AR: variants seen among roughly 807,000 people sequenced by gnomAD.
AR encodes the protein dihydrotestosterone receptor.
Under a neutral mutation model 53.9 loss-of-function variants are expected in AR, and 8 were observed. The ratio of observed to expected loss-of-function variants is 0.15; its 90% confidence interval spans 0.09 to 0.27. The LOEUF is 0.27. Ranked by LOEUF, AR falls within the 10% of genes least tolerant of loss-of-function variation. The pLI is 1.00. For missense variants in AR, 639 were observed against 742.5 expected (o/e 0.86, Z 1.62); for synonymous variants, 359 against 316.4 (o/e 1.13, Z -1.43).
intron 1 of AR, among the ~76,000 whole-genome samples, chrX:67,594,116 C>T (rs912396564): frequency 5.4e-5 from 6 of 111,998 alleles, no homozygotes; most frequent in Admixed American, 4.7e-4. Context: ...ACTTCACTTT[C>T]CCAGCTAACT....
At chrX:67,704,331 C>T (rs1322665434) in intron 3 of AR, among the ~76,000 whole-genome samples, 10 of 111,923 alleles carry the variant, frequency 8.9e-5, no homozygotes, top group South Asian at 3.7e-4. Context: ...TTTTAATGAT[C>T]GCCATTCTAA....
chrX:67,705,905 A>C (rs933331952), intron 3 of AR, among the ~76,000 whole-genome samples: 1 of 111,772 alleles, frequency 8.9e-6, no homozygotes, highest in Non-Finnish European at 1.9e-5. Context: ...TGAGATAATC[A>C]TGTGGTTTTT....
At chrX:67,693,792 C>T (rs998617061) in intron 3 of AR, among the ~76,000 whole-genome samples, 3 of 112,171 alleles carry the variant, frequency 2.7e-5, no homozygotes, top group Non-Finnish European at 5.6e-5. Context: ...TTCCATTCTT[C>T]TCAGTCCAGT....
At chrX:67,698,597 C>T (rs2076030356) in intron 3 of AR, among the ~76,000 whole-genome samples, 1 of 112,772 alleles carries the variant, frequency 8.9e-6, no homozygotes, top group Non-Finnish European at 1.9e-5. Context: ...AAAGTATAGC[C>T]TAGTCTAGCT....
intron 3 of AR, among the ~76,000 whole-genome samples, chrX:67,706,378 G>T (rs1480082739): frequency 8.9e-6 from 1 of 111,773 alleles, no homozygotes. Context: ...AGTCTTGGGA[G>T]GGTGTATGTG....
chrX:67,674,563 T>TC (rs777261158), intron 2 of AR, among the ~76,000 whole-genome samples: 1 of 111,048 alleles, frequency 9.0e-6, no homozygotes, highest in Admixed American at 9.6e-5. Context: ...AAGGAGTCTC[T>TC]CCCTGTGGCC....
intron 4 of AR, among the ~76,000 whole-genome samples, chrX:67,714,614 G>A (rs1169507595): frequency 4.5e-5 from 5 of 111,921 alleles, no homozygotes; most frequent in South Asian, 3.8e-4. Flanking sequence ...GATGTCAATC[G>A]GATTCTAGTG....
rs745861379 is a variant in AR, at chrX:67,585,683, T to A, written c.1616+38921T>A. ...CCTATCTTTGTCACAAGTAAGAAGG[T>A]TTAAAAATCACCATACCATTATTGG... is the stretch of plus-strand genomic sequence containing the variant. On this transcript the variant is annotated intron_variant, in intron 1 of 7. Coordinates refer to ENST00000374690, the MANE Select transcript of AR (RefSeq NM_000044.6). 2.6e-4 allele frequency among the ~76,000 whole-genome samples: 29 copies of A among 112,063 alleles called. No individual in the cohort carries two copies. In the South Asian group the frequency reaches 0.011, roughly 41 times the overall value.
intron 1 of AR, among the ~76,000 whole-genome samples, chrX:67,620,188 A>C (rs909533239): frequency 1.1e-4 from 12 of 110,184 alleles, no homozygotes; most frequent in Non-Finnish European, 3.8e-5. Flanking sequence ...AACATTTTTC[A>C]CATTTCTTAA....
At position 67,544,453 on chromosome X, in the gene AR, C is replaced by A. The variant is rs1406036914; in HGVS notation, c.-694C>A. On this transcript the variant is annotated 5_prime_UTR_variant, in exon 1 of 8. Coordinates refer to ENST00000374690, the MANE Select transcript of AR (RefSeq NM_000044.6). ...CCCTCACCACCCTTCTCCCCACCCGCCCCCCCGCCCCCGTCGGCCCAGCGC... is the reference window on the plus strand; with the variant it reads ...CCCTCACCACCCTTCTCCCCACCCGACCCCCCGCCCCCGTCGGCCCAGCGC... 4.1e-5 allele frequency: 4 copies of A among 97,452 alleles called. No homozygotes were observed. Among genetic ancestry groups the A allele is most frequent in the Non-Finnish European group, 7.8e-5 (4 of 51,187 alleles). The allele number at this position is 97,452 out of a possible 1,213,427, so 8.0% of individuals were successfully genotyped here.
intron 1 of AR, among the ~76,000 whole-genome samples, chrX:67,623,221 C>T (rs1412269017): frequency 9.1e-6 from 1 of 110,013 alleles, no homozygotes; most frequent in African/African-American, 3.3e-5. Flanking sequence ...CGCTAGCAAA[C>T]GTTGTGAAAA....
intron 3 of AR, 50 bp from the exon 4 acceptor site, chrX:67,711,352 G>A (rs2076092759): frequency 8.7e-7 from 1 of 1,151,627 alleles, no homozygotes; most frequent in Non-Finnish European, 1.2e-6. Flanking sequence ...GTTGCATTGT[G>A]TGTTTTTGAC....
At chrX:67,691,176 G>A (rs907626682) in intron 3 of AR, among the ~76,000 whole-genome samples, 4 of 111,885 alleles carry the variant, frequency 3.6e-5, no homozygotes, top group African/African-American at 1.3e-4. Flanking sequence ...ATCAAATTTT[G>A]CTAAACACCT....
Position 67,726,823 on chromosome X carries a change from GT to G in AR, c.*2984del, listed in dbSNP as rs1402969332. ...GCATGCGCTCTGCTCTACAAACAGA[GT>G]TGGTATGGTTGGTATACTGTACTCA... is the stretch of plus-strand genomic sequence containing the variant. On this transcript the variant is annotated 3_prime_UTR_variant, in exon 8 of 8. Transcript: ENST00000374690. 2 of 173,387 alleles carry G rather than the reference GT, an allele frequency of 1.2e-5. No individual in the cohort carries two copies. The highest frequency in any genetic ancestry group is 2.2e-5 in the Non-Finnish European group (2 of 90,948). 14.3% of individuals were successfully genotyped at this position (173,387 alleles called of 1,213,427 possible).
At chrX:67,719,994 C>T (rs2076129148) in intron 5 of AR, among the ~76,000 whole-genome samples, 1 of 112,270 alleles carries the variant, frequency 8.9e-6, no homozygotes, top group African/African-American at 3.2e-5. Context: ...GGATAATGAG[C>T]TTGAACCTTA....
At chrX:67,716,337 C>A (rs948334718) in intron 4 of AR, among the ~76,000 whole-genome samples, 3 of 111,989 alleles carry the variant, frequency 2.7e-5, no homozygotes, top group Non-Finnish European at 5.6e-5. Flanking sequence ...TTTAAGCCTT[C>A]TTCTTGGATG....
At position 67,546,546 on chromosome X, in the gene AR, G is replaced by T; in HGVS notation, c.1400G>T (p.Gly467Val). The T allele has an allele frequency of 1.1e-6, 1 of 925,779 alleles. No homozygotes were observed. Among genetic ancestry groups the T allele is most frequent in the Non-Finnish European group, 1.4e-6 (1 of 735,650 alleles). The allele number at this position is 925,779 out of a possible 1,213,427, so 76.3% of individuals were successfully genotyped here. The change falls in exon 1 of 8, where the codon GGC (glycine) becomes GTC (valine). Residue 467 changes from glycine to valine, a missense_variant. This residue lies in a region of AR where 423 missense variants were observed against 377.0 expected (regional missense o/e 1.12). Transcript: ENST00000374690. ...GGCGGCGGCGGCGGCGGCGGCGGCG[G>T]CGGCGGCGGCGGCGGCGGCGAGGCG... Reference protein sequence around the residue: ...GGGGGGGGGGGGGGGGGEAGA... With the variant: ...GGGGGGGGGGVGGGGGGEAGA...
At chrX:67,658,668 C>A (rs779506414) in intron 2 of AR, among the ~76,000 whole-genome samples, 3 of 111,572 alleles carry the variant, frequency 2.7e-5, no homozygotes, top group Non-Finnish European at 5.6e-5. Context: ...TCTGGGCAAC[C>A]AGTAGTTGGC....
chrX:67,646,639 C>G (rs771160602), intron 2 of AR, among the ~76,000 whole-genome samples: 1 of 110,493 alleles, frequency 9.1e-6, no homozygotes, highest in Admixed American at 9.7e-5. Flanking sequence ...TACACATAAA[C>G]AGAGGTAAGG....
Sources: allele counts gnomAD v4.1 joint callset (sites outside exome capture counted in the v4.1 genomes callset), GRCh38; gene constraint gnomAD v4.1.1; regional missense constraint gnomAD v4.1.1; transcripts MANE v1.5; gene names NCBI Gene and HGNC (gene_info 2026-07-23, HGNC 2026-07-21).